ST6GALNAC5: variants seen among roughly 807,000 people sequenced by gnomAD.
ST6GALNAC5 encodes the protein alpha-N-acetylgalactosaminide alpha-2,6-sialyltransferase 5.
In ST6GALNAC5, 27 loss-of-function variants were observed where a neutral mutation model predicts 33.6. The observed-to-expected ratio is 0.80, with a 90% CI of 0.59 to 1.11. ST6GALNAC5 has a LOEUF of 1.11. Among genes scored for constraint, ST6GALNAC5 ranks in the 50% least tolerant of loss-of-function variants. The pLI, the probability that ST6GALNAC5 is intolerant of heterozygous loss-of-function variation, is 0.00. For synonymous variants in ST6GALNAC5, 194 were observed against 171.2 expected, an observed-to-expected ratio of 1.13 and a Z score of -1.04; for missense variants, 428 against 454.0, an observed-to-expected ratio of 0.94 and a Z score of 0.52.
chr1:76,977,461 G>A (rs150891973), intron 2 of ST6GALNAC5, among the ~76,000 whole-genome samples: 231 of 152,000 alleles, frequency 1.5e-3, no homozygotes, highest in Non-Finnish European at 2.6e-3. Context: ...ACCTCTCCCC[G>A]TCGTGCTATC....
At chr1:76,870,837 A>G (rs1322057969) in intron 2 of ST6GALNAC5, among the ~76,000 whole-genome samples, 3 of 152,200 alleles carry the variant, frequency 2.0e-5, no homozygotes, top group Admixed American at 1.3e-4. Context: ...TCTATACCCA[A>G]AGGTTTTGAG....
chr1:77,018,562 C>T (rs12081552), intron 2 of ST6GALNAC5, among the ~76,000 whole-genome samples: 5,046 of 152,240 alleles, frequency 0.033, 201 homozygotes, highest in African/African-American at 0.095. Context: ...GCCATTGATC[C>T]TAATCACTCC....
At chr1:76,940,134 A>C (rs1456645857) in intron 2 of ST6GALNAC5, among the ~76,000 whole-genome samples, 2 of 149,878 alleles carry the variant, frequency 1.3e-5, no homozygotes, top group East Asian at 4.2e-4. Context: ...CAATTTAATT[A>C]TGAGTGTTTA....
At chr1:77,035,476 T>C (rs1218043945) in intron 2 of ST6GALNAC5, among the ~76,000 whole-genome samples, 1 of 152,130 alleles carries the variant, frequency 6.6e-6, no homozygotes, top group African/African-American at 2.4e-5. Context: ...TTTTGCTAGC[T>C]AAGACTAGAA....
chr1:76,952,934 T>TA (rs1647810784), intron 2 of ST6GALNAC5, among the ~76,000 whole-genome samples: 1 of 152,116 alleles, frequency 6.6e-6, no homozygotes, highest in Non-Finnish European at 1.5e-5. Flanking sequence ...GTTATAAATA[T>TA]AAAATTATAC....
chr1:76,970,334 G>A (rs561789928), intron 2 of ST6GALNAC5, among the ~76,000 whole-genome samples: 3 of 151,846 alleles, frequency 2.0e-5, no homozygotes, highest in African/African-American at 4.8e-5. Flanking sequence ...TGGCTAACTC[G>A]AATAAACAGT....
At chr1:76,954,486 C>T (rs753510971) in intron 2 of ST6GALNAC5, among the ~76,000 whole-genome samples, 4 of 151,994 alleles carry the variant, frequency 2.6e-5, no homozygotes, top group Non-Finnish European at 5.9e-5. Context: ...CACACGTTTA[C>T]CTGTGTAAAA....
At chr1:76,945,112 A>G (rs959448116) in intron 2 of ST6GALNAC5, among the ~76,000 whole-genome samples, 2 of 151,976 alleles carry the variant, frequency 1.3e-5, no homozygotes, top group African/African-American at 4.8e-5. Context: ...GCTCTGTGGA[A>G]CCCTCCATAT....
chr1:77,001,167 T>C (rs1249608904), intron 2 of ST6GALNAC5, among the ~76,000 whole-genome samples: 2 of 145,058 alleles, frequency 1.4e-5, no homozygotes, highest in African/African-American at 5.1e-5. Flanking sequence ...TTTTATTTCC[T>C]TGAGCAGTGG....
At chr1:76,872,735 T>G (rs1465502544) in intron 2 of ST6GALNAC5, among the ~76,000 whole-genome samples, 1 of 152,180 alleles carries the variant, frequency 6.6e-6, no homozygotes, top group Non-Finnish European at 1.5e-5. Context: ...ACATTTGAGT[T>G]GTGAATGAAT....
chr1:76,907,745 T>A (rs946851397), intron 2 of ST6GALNAC5, among the ~76,000 whole-genome samples: 1 of 152,126 alleles, frequency 6.6e-6, no homozygotes, highest in African/African-American at 2.4e-5. Context: ...AGGGGTCTTA[T>A]AAGTGGCGCT....
intron 2 of ST6GALNAC5, among the ~76,000 whole-genome samples, chr1:76,945,575 A>T (rs1204258732): frequency 6.6e-6 from 1 of 152,132 alleles, no homozygotes; most frequent in East Asian, 1.9e-4. Context: ...ATGATTACTA[A>T]TATTTGTCAT....
intron 2 of ST6GALNAC5, among the ~76,000 whole-genome samples, chr1:76,989,712 CG>C (rs1649649962): frequency 7.0e-6 from 1 of 141,976 alleles, no homozygotes; most frequent in South Asian, 2.2e-4. Flanking sequence ...AAAGGTAGAA[CG>C]CTTCTCAAAA....
In ST6GALNAC5 at chr1:76,998,979, T is replaced by C. The variant is rs189713197; in HGVS notation, c.262-45225T>C. On this transcript the variant is annotated intron_variant, in intron 2 of 4. Coordinates refer to ENST00000477717, the MANE Select transcript of ST6GALNAC5 (RefSeq NM_030965.3). ...CCATGCAACATTTTTTCATTATTACTAAGATCTGGTGACTATGAAAGGGAG... is the reference window on the plus strand; with the variant it reads ...CCATGCAACATTTTTTCATTATTACCAAGATCTGGTGACTATGAAAGGGAG... Among the ~76,000 whole-genome samples, 565 of 152,306 alleles carry C rather than the reference T, an allele frequency of 3.7e-3. 3 individuals carry two copies. Among genetic ancestry groups the C allele is most frequent in the African/African-American group, 0.013 (544 of 41,576 alleles).
chr1:76,975,785 A>G (rs1334248349), intron 2 of ST6GALNAC5, among the ~76,000 whole-genome samples: 1 of 152,238 alleles, frequency 6.6e-6, no homozygotes, highest in Non-Finnish European at 1.5e-5. Context: ...TCAAAATATT[A>G]GTTACCTTTA....
intron 2 of ST6GALNAC5, among the ~76,000 whole-genome samples, chr1:77,040,129 A>G (rs1366358200): frequency 6.6e-6 from 1 of 152,130 alleles, no homozygotes; most frequent in African/African-American, 2.4e-5. Context: ...AATTTGTACA[A>G]TTTTTTGCCA....
chr1:76,992,055 G>A (rs914772483), intron 2 of ST6GALNAC5, among the ~76,000 whole-genome samples: 3 of 151,954 alleles, frequency 2.0e-5, no homozygotes, highest in African/African-American at 7.3e-5. Flanking sequence ...ACTCTACGTA[G>A]GGGTCAGCTT....
intron 3 of ST6GALNAC5, among the ~76,000 whole-genome samples, chr1:77,047,705 G>C (rs1652063194): frequency 6.6e-6 from 1 of 152,182 alleles, no homozygotes; most frequent in African/African-American, 2.4e-5. Context: ...CAATATTATA[G>C]TAATTAGATA....
intron 2 of ST6GALNAC5, among the ~76,000 whole-genome samples, chr1:76,996,396 A>G (rs914377575): frequency 2.2e-4 from 30 of 135,510 alleles, no homozygotes; most frequent in African/African-American, 9.8e-4. Context: ...CAAGAATGAG[A>G]TGTATGTATT....
Sources: allele counts gnomAD v4.1 joint callset (sites outside exome capture counted in the v4.1 genomes callset), GRCh38; gene constraint gnomAD v4.1.1; transcripts MANE v1.5; gene names NCBI Gene and HGNC (gene_info 2026-07-23, HGNC 2026-07-21).